DCHS1: variants seen among roughly 807,000 people sequenced by gnomAD.
DCHS1 encodes the protein protocadherin-16.
DCHS1 carries 78 observed loss-of-function variants against 213.9 expected under a neutral mutation model. The ratio of observed to expected loss-of-function variants is 0.36; its 90% CI spans 0.30 to 0.44. The LOEUF (loss-of-function observed/expected upper bound fraction) is 0.44, where lower values mean the gene tolerates loss of function less well. Ranked by LOEUF, DCHS1 falls within the 20% of genes least tolerant of loss-of-function variation. The pLI is 1.00. For missense variants in DCHS1, 3,946 were observed against 4,395.9 expected (o/e 0.90, Z 2.89); for synonymous variants, 1,828 against 1,873.7 (o/e 0.98, Z 0.63).
intron 10 of DCHS1, 39 bp from the exon 11 acceptor site, chr11:6,629,950 A>C (rs777306607): frequency 1.2e-6 from 2 of 1,602,200 alleles, no homozygotes. Context: ...GGACCCCAAC[A>C]CTCCACATCA....
At chr11:6,629,280 T>G (rs1855861686) in intron 12 of DCHS1, among the ~76,000 whole-genome samples, 172 bp downstream of exon 12, 1 of 152,250 alleles carries the variant, frequency 6.6e-6, no homozygotes, top group African/African-American at 2.4e-5. Context: ...AGAAGTCAGT[T>G]GACCTTGCAC....
At chr11:6,639,627 AC>A (rs1232269392) in intron 2 of DCHS1, among the ~76,000 whole-genome samples, 189 bp downstream of exon 2, 2 of 152,130 alleles carry the variant, frequency 1.3e-5, no homozygotes, top group African/African-American at 4.8e-5. Context: ...CAGCTCTTGC[AC>A]CCTGCTTTCT....
chr11:6,632,118 G>C lies in DCHS1; in HGVS notation c.3394C>G (p.Arg1132Gly), dbSNP rs775982308. Reference sequence around the variant, plus strand: ...AGACGTCCATTGGGTCCTGAGTCTCGGTCAGTGGCAAAGACTCGGCCCACG... The same window carrying C: ...AGACGTCCATTGGGTCCTGAGTCTCCGTCAGTGGCAAAGACTCGGCCCACG... ...TSVGRVFATD[R>G]DSGPNGRLTY... The change falls in exon 6 of 21, where the codon CGA becomes GGA. Residue 1132 changes from arginine to glycine, a missense_variant. Transcript: ENST00000299441. This position sits in a 1 kb window ranked among gnomAD's most constrained non-coding sequence, Gnocchi z 5.9. 2.5e-6 allele frequency: 4 copies of C among 1,569,682 alleles called. No homozygotes were observed. The highest frequency in any genetic ancestry group is 3.5e-6 in the Non-Finnish European group (4 of 1,153,628).
Position 6,626,149 on chromosome 11 carries a change from C to G in DCHS1, c.6576+20G>C, listed in dbSNP as rs2134617436. On this transcript the variant is annotated intron_variant, in intron 16 of 20. Transcript: ENST00000299441. The surrounding 1 kb of genome is among the most constrained non-coding windows in gnomAD (Gnocchi z 5.2). The stretch of plus-strand genomic sequence containing the variant: ...GACTAGCCCTGCTCCCCCGCCCAAT[C>G]TTTCCATCACACCCCGCACCTGCAG... 2.5e-6 allele frequency: 4 copies of G among 1,598,310 alleles called. No individual in the cohort carries two copies. The highest frequency in any genetic ancestry group is 3.4e-6 in the Non-Finnish European group (4 of 1,172,568).
At chr11:6,649,033 AAAT>A (rs1856207666) in intron 1 of DCHS1, among the ~76,000 whole-genome samples, 1 of 152,090 alleles carries the variant, frequency 6.6e-6, no homozygotes. Context: ...AGAGTTAATG[AAAT>A]AATGCTAACA....
intron 19 of DCHS1, 118 bp from the exon 20 acceptor site, chr11:6,624,986 C>T (rs1855770074): frequency 2.0e-6 from 3 of 1,469,910 alleles, no homozygotes. Flanking sequence ...ACTTGGAGCC[C>T]CTACTCCTAA....
At chr11:6,644,674 G>C (rs1045383892) in intron 1 of DCHS1, among the ~76,000 whole-genome samples, 25 of 152,192 alleles carry the variant, frequency 1.6e-4, no homozygotes, top group African/African-American at 6.0e-4. Flanking sequence ...TAGAGTTATA[G>C]CAAGAGCAGG....
rs1259764789 is a variant in DCHS1, at chr11:6,622,268, T to C, written c.9408A>G (p.Pro3136=). 13 of 1,605,520 alleles carry C rather than the reference T, an allele frequency of 8.1e-6. No homozygotes were observed. Among genetic ancestry groups the C allele is most frequent in the Non-Finnish European group, 1.1e-5 (13 of 1,177,066 alleles). ...CTGCCACACATGGCTTGCCATCTGC[T>C]GGGAAGCCATAGTCCCCAGTGGGTG... ...SPAPTGDYGF[P]ADGKPCVAGA... Residue 3136 remains proline (P), a synonymous_variant, in exon 21 of 21, where the codon CCA becomes CCG. Transcript: ENST00000299441. This position sits in a 1 kb window ranked among gnomAD's most constrained non-coding sequence, Gnocchi z 5.4.
In DCHS1 at chr11:6,632,667, G is replaced by A. The variant is rs754206357; in HGVS notation, c.2845C>T (p.His949Tyr). Residue 949 changes from histidine to tyrosine, a missense_variant, in exon 6 of 21, where the codon CAT (histidine) becomes TAT (tyrosine). Coordinates refer to ENST00000299441, the MANE Select transcript of DCHS1 (RefSeq NM_003737.4). This position sits in a 1 kb window ranked among gnomAD's most constrained non-coding sequence, Gnocchi z 5.9. ...GAFTVDPTTG[H>Y]VRLMRPLGPS... ...CCCAGAGGCCTCATAAGCCGTACATGGCCTGTGGTGGGGTCCACGGTGAAG... is the reference window on the plus strand; with the variant it reads ...CCCAGAGGCCTCATAAGCCGTACATAGCCTGTGGTGGGGTCCACGGTGAAG... The A allele has an allele frequency of 5.1e-6, 8 of 1,574,134 alleles. No individual in the cohort carries two copies. The East Asian group carries it at 1.4e-4, about 28-fold the overall frequency.
chr11:6,622,758 C>T lies in DCHS1; in HGVS notation c.8918G>A (p.Gly2973Asp), dbSNP rs752243064. ...TAGGGGTGCTGCCTGTGACATTGGGCCAGGGGCTGCCTCAGCCTTGCGGCT... is the reference window on the plus strand; with the variant it reads ...TAGGGGTGCTGCCTGTGACATTGGGTCAGGGGCTGCCTCAGCCTTGCGGCT... ...ARSRKAEAAP[G>D]PMSQAAPLAS... Residue 2973 changes from glycine to aspartate, a missense_variant, in exon 21 of 21, where the codon GGC (glycine) becomes GAC (aspartate). Around this residue, in one of 3 missense-constraint regions of DCHS1, gnomAD observed 554 missense variants for 590.2 expected, o/e 0.94. Transcript: ENST00000299441. The surrounding 1 kb of genome is among the most constrained non-coding windows in gnomAD (Gnocchi z 5.4). 1 of 1,591,030 alleles carries T rather than the reference C, an allele frequency of 6.3e-7. No homozygotes were observed. Among genetic ancestry groups the T allele is most frequent in the Non-Finnish European group, 8.6e-7 (1 of 1,169,048 alleles).
At chr11:6,636,739 G>A (rs1171419606) in intron 2 of DCHS1, among the ~76,000 whole-genome samples, 1 of 152,084 alleles carries the variant, frequency 6.6e-6, no homozygotes, top group South Asian at 2.1e-4. Flanking sequence ...TTATCTGCCT[G>A]TTCTTACACA....
Position 6,629,478 on chromosome 11 carries a change from T to C in DCHS1, c.5135A>G (p.Glu1712Gly). 1.2e-6 allele frequency: 2 copies of C among 1,613,072 alleles called. No homozygotes were observed. Among genetic ancestry groups the C allele is most frequent in the South Asian group, 1.1e-5 (1 of 90,754 alleles). ...VLTTLRALDR[E>G]EQEEINLTVY... ...TGTCAGGTTGATCTCCTCCTGTTCC[T>C]CTCGATCCAGGGCCCGAAGAGTCGT... The change falls in exon 12 of 21, where the codon GAG (glutamate) becomes GGG (glycine). Residue 1712 changes from glutamate to glycine, a missense_variant. Coordinates refer to ENST00000299441, the MANE Select transcript of DCHS1 (RefSeq NM_003737.4).
At position 6,623,689 on chromosome 11, in the gene DCHS1, G is replaced by A; in HGVS notation, c.7987C>T (p.His2663Tyr). 6.2e-7 allele frequency: 1 copy of A among 1,613,810 alleles called. No individual in the cohort carries two copies. The highest frequency in any genetic ancestry group is 8.5e-7 in the Non-Finnish European group (1 of 1,179,886). ...DESSGTLRLA[H>Y]ALDCETQARH... ...GCCTGGGTCTCACAGTCCAGGGCAT[G>A]GGCCAGTCGCAAGGTGCCTGAGCTC... The change falls in exon 21 of 21, where the codon CAT becomes TAT. Residue 2663 changes from histidine to tyrosine, a missense_variant. By Grantham distance (83) the His-to-Tyr change is moderately conservative (BLOSUM62 2). Coordinates refer to ENST00000299441, the MANE Select transcript of DCHS1 (RefSeq NM_003737.4).
At position 6,632,113 on chromosome 11, in the gene DCHS1, G is replaced by A. The variant is rs1488222830; in HGVS notation, c.3399C>T (p.Asp1133=). The A allele has an allele frequency of 9.6e-6, 15 of 1,566,268 alleles. 1 individual carries two copies. Among genetic ancestry groups the A allele is most frequent in the Non-Finnish European group, 1.3e-5 (15 of 1,151,908 alleles). The change falls in exon 6 of 21, where the codon GAC becomes GAT. Residue 1133 remains aspartate, a synonymous_variant. Coordinates refer to ENST00000299441, the MANE Select transcript of DCHS1 (RefSeq NM_003737.4). The surrounding 1 kb of genome is among the most constrained non-coding windows in gnomAD (Gnocchi z 5.9). Reference sequence around the variant, plus strand: ...AGGTCAGACGTCCATTGGGTCCTGAGTCTCGGTCAGTGGCAAAGACTCGGC... The same window carrying A: ...AGGTCAGACGTCCATTGGGTCCTGAATCTCGGTCAGTGGCAAAGACTCGGC... The part of the protein sequence containing the change: ...SVGRVFATDR[D]SGPNGRLTYS...
At position 6,630,350 on chromosome 11, in the gene DCHS1, G is replaced by C; in HGVS notation, c.4444C>G (p.Pro1482Ala). The C allele has an allele frequency of 7.6e-7, 1 of 1,312,002 alleles. No homozygotes were observed. Among genetic ancestry groups the C allele is most frequent in the South Asian group, 1.8e-5 (1 of 55,360 alleles). 81.3% of individuals were successfully genotyped at this position (1,312,002 alleles called of 1,614,324 possible). The change falls in exon 10 of 21, where the codon CCC (proline) becomes GCC (alanine). Residue 1482 changes from proline to alanine, a missense_variant. Around this residue, in one of 3 missense-constraint regions of DCHS1, gnomAD observed 3,384 missense variants for 3,780.1 expected, o/e 0.90. Coordinates refer to ENST00000299441, the MANE Select transcript of DCHS1 (RefSeq NM_003737.4). ...GCGTCCAGGCGAAGCGCCGGCACGGGCGGCTCCTGGCGCAGCAGGCGGTAG... is the reference window on the plus strand; with the variant it reads ...GCGTCCAGGCGAAGCGCCGGCACGGCCGGCTCCTGGCGCAGCAGGCGGTAG... ...VRYRLLRQEPPVPALRLDART... is the reference protein window; with the variant it reads ...VRYRLLRQEPAVPALRLDART...
chr11:6,650,346 T>C (rs1480484883), intron 1 of DCHS1, among the ~76,000 whole-genome samples: 1 of 152,066 alleles, frequency 6.6e-6, no homozygotes, highest in African/African-American at 2.4e-5. Context: ...CCCTCCCAAG[T>C]GGCAGTGGTT....
chr11:6,647,046 C>T (rs542175992), intron 1 of DCHS1, among the ~76,000 whole-genome samples: 17 of 152,236 alleles, frequency 1.1e-4, no homozygotes, highest in Admixed American at 7.8e-4. Flanking sequence ...AACTTCCTGT[C>T]CCAGGGCCAG....
chr11:6,622,544 G>A lies in DCHS1; in HGVS notation c.9132C>T (p.Ile3044=), dbSNP rs1169322527. Residue 3044 remains isoleucine, a synonymous_variant, in exon 21 of 21, where the codon ATC becomes ATT. Transcript: ENST00000299441. This position sits in a 1 kb window ranked among gnomAD's most constrained non-coding sequence, Gnocchi z 5.4. The part of the protein sequence containing the change: ...GSAEAAEDDE[I]RMINEFPRVA... ...CACGGGGGAACTCATTGATCATGCG[G>A]ATCTCATCATCCTCTGCAGCCTCTG... The A allele has an allele frequency of 1.9e-6, 3 of 1,581,456 alleles. No individual in the cohort carries two copies. Among genetic ancestry groups the A allele is most frequent in the African/African-American group, 2.7e-5 (2 of 74,354 alleles).
Position 6,626,619 on chromosome 11 carries a change from A to G in DCHS1, c.6297T>C (p.Asn2099=). 6.2e-7 allele frequency: 1 copy of G among 1,613,952 alleles called. No homozygotes were observed. The highest frequency in any genetic ancestry group is 8.5e-7 in the Non-Finnish European group (1 of 1,179,880). Residue 2099 remains asparagine (N), a synonymous_variant, in exon 15 of 21, where the codon AAT becomes AAC. Transcript: ENST00000299441. The surrounding 1 kb of genome is among the most constrained non-coding windows in gnomAD (Gnocchi z 5.2). The part of the protein sequence containing the change: ...SPRAVHAGGT[N]GPITYSILSG... ...TGAGAATGCTGTAGGTGATGGGTCC[A>G]TTTGTGCCTCCTGCATGGACGGCCC...
Sources: gnomAD v4.1 joint callset for allele counts (sites outside exome capture counted in the v4.1 genomes callset) on GRCh38, gnomAD v4.1.1 for gene constraint, gnomAD v4.1.1 regional missense constraint, Gnocchi (gnomAD v3.1) non-coding constraint, MANE v1.5 for transcripts, NCBI Gene and HGNC (gene_info 2026-07-23, HGNC 2026-07-21) for gene names.